The following RAD51B variants were observed in gnomAD, a reference collection of about 807,000 sequenced individuals.
RAD51B encodes the protein RAD51 paralog B, also known as DNA repair protein RAD51 homolog 2.
RAD51B carries 38 observed loss-of-function variants against 42.2 expected under a neutral mutation model. The ratio of observed to expected loss-of-function variants is 0.90; its 90% CI spans 0.70 to 1.18. The LOEUF (loss-of-function observed/expected upper bound fraction) is 1.18. Among genes scored for constraint, RAD51B ranks in the 50% most tolerant of loss-of-function variants. The pLI is 0.00. For missense variants in RAD51B, 373 were observed against 400.7 expected (o/e 0.93, Z 0.59); for synonymous variants, 154 against 145.2 (o/e 1.06, Z -0.43).
intron 10 of RAD51B, among the ~76,000 whole-genome samples, chr14:68,586,131 A>G (rs1404449106): frequency 1.3e-5 from 2 of 152,140 alleles, no homozygotes; most frequent in Admixed American, 6.5e-5. Context: ...AAAAACTGCA[A>G]TCAGAACTCT....
chr14:68,309,552 A>C (rs1458992117), intron 8 of RAD51B, among the ~76,000 whole-genome samples: 1 of 152,208 alleles, frequency 6.6e-6, no homozygotes, highest in Non-Finnish European at 1.5e-5. Context: ...CAAGATCATA[A>C]AGCCAAATAG....
At chr14:67,854,629 G>A (rs1296180736) in intron 4 of RAD51B, among the ~76,000 whole-genome samples, 8 of 141,358 alleles carry the variant, frequency 5.7e-5, no homozygotes, top group Non-Finnish European at 1.2e-4. Flanking sequence ...GTAAGGCTCC[G>A]TCTCAAAAAA....
At position 68,654,416 on chromosome 14, in the gene RAD51B, G is replaced by T. The variant is rs77045295; in HGVS notation, c.*11+3560G>T. Among the ~76,000 whole-genome samples, 949 of 152,300 alleles carry T rather than the reference G, an allele frequency of 6.2e-3. 9 individuals carry two copies. The highest frequency in any genetic ancestry group is 0.022 in the African/African-American group (894 of 41,564). On this transcript the variant is annotated intron_variant, in intron 11 of 11. Transcript: ENST00000488612. Reference sequence around the variant, plus strand: ...TGTTTGCTTTTAGATCAGGCTCATGGGAGATGTCTGGTGGACAGAACCCCC... The same window carrying T: ...TGTTTGCTTTTAGATCAGGCTCATGTGAGATGTCTGGTGGACAGAACCCCC...
chr14:68,019,626 C>T (rs1419256529), intron 7 of RAD51B, among the ~76,000 whole-genome samples: 1 of 151,932 alleles, frequency 6.6e-6, no homozygotes, highest in African/African-American at 2.4e-5. Flanking sequence ...AGAGGGTGGA[C>T]TTTGGAACTT....
At chr14:68,066,408 G>A (rs1207614363) in intron 7 of RAD51B, among the ~76,000 whole-genome samples, 2 of 152,022 alleles carry the variant, frequency 1.3e-5, no homozygotes, top group Non-Finnish European at 1.5e-5. Context: ...TTCATAATAA[G>A]AAAAGCTAAT....
In RAD51B at chr14:68,445,736, T is replaced by A. The variant is rs545841694; in HGVS notation, c.958-22436T>A. Among the ~76,000 whole-genome samples the A allele has an allele frequency of 7.9e-5, 12 of 152,228 alleles. No homozygotes were observed. In the East Asian group the frequency reaches 2.3e-3, roughly 29 times the overall value. On this transcript the variant is annotated intron_variant, in intron 9 of 10. Coordinates refer to ENST00000471583, the MANE Select transcript of RAD51B (RefSeq NM_133510.4). ...ACCTCAAACTGTAACTGGGTCTTGA[T>A]GAGTTTCAAGTAGTATCATCCTTAT...
intron 7 of RAD51B, among the ~76,000 whole-genome samples, chr14:68,054,430 CTGT>C (rs2076442353): frequency 6.6e-6 from 1 of 152,076 alleles, no homozygotes; most frequent in Admixed American, 6.6e-5. Flanking sequence ...TTGTTTTTAT[CTGT>C]TGTTATGTAA....
intron 10 of RAD51B, among the ~76,000 whole-genome samples, chr14:68,618,946 A>G (rs374800046): frequency 6.6e-6 from 1 of 152,216 alleles, no homozygotes; most frequent in East Asian, 1.9e-4. Flanking sequence ...AGCCACAGAT[A>G]TAGCCTGGTC....
chr14:68,072,260 GTATATATAGGAGTTTATTAAGCATTATA>G (rs2076764881), intron 7 of RAD51B, among the ~76,000 whole-genome samples: 1 of 145,248 alleles, frequency 6.9e-6, no homozygotes, highest in African/African-American at 2.6e-5. Flanking sequence ...TTAATAAACT[GTATATATAGGAGTTTATTAAGCATTATA>G]TATATATAGG....
chr14:68,426,583 G>A (rs972235187), intron 9 of RAD51B, among the ~76,000 whole-genome samples: 6 of 152,070 alleles, frequency 3.9e-5, no homozygotes, highest in African/African-American at 7.2e-5. Context: ...AGAACTGTGC[G>A]GCTTCTTTTA....
chr14:67,965,855 T>G (rs1292155927), intron 7 of RAD51B, among the ~76,000 whole-genome samples: 2 of 151,974 alleles, frequency 1.3e-5, no homozygotes, highest in Admixed American at 1.3e-4. Flanking sequence ...ACAAAAGAAA[T>G]AAACCACGTG....
chr14:67,948,947 A>AC (rs2074389416), intron 7 of RAD51B, among the ~76,000 whole-genome samples: 1 of 150,412 alleles, frequency 6.6e-6, no homozygotes, highest in African/African-American at 2.4e-5. Flanking sequence ...AAAAAAAAAA[A>AC]AAAAAAAAAA....
At chr14:68,037,106 C>T (rs1317108353) in intron 7 of RAD51B, among the ~76,000 whole-genome samples, 1 of 6,358 alleles carries the variant, frequency 1.6e-4, no homozygotes, top group Non-Finnish European at 3.2e-4. Context: ...TCCCTCCCCT[C>T]CCCTCCCCTC....
chr14:68,388,072 G>GTA (rs2083641738), intron 8 of RAD51B, among the ~76,000 whole-genome samples: 3 of 117,828 alleles, frequency 2.5e-5, no homozygotes, highest in East Asian at 2.7e-4. Context: ...GTGTGTGTGT[G>GTA]TGTGTGTATA....
intron 10 of RAD51B, among the ~76,000 whole-genome samples, chr14:68,620,622 C>T (rs565007646): frequency 1.3e-5 from 2 of 152,304 alleles, no homozygotes; most frequent in African/African-American, 4.8e-5. Context: ...GACAATCTAC[C>T]CAATGATTTG....
intron 8 of RAD51B, among the ~76,000 whole-genome samples, chr14:68,370,367 G>T (rs934584563): frequency 2.6e-5 from 4 of 152,216 alleles, no homozygotes; most frequent in African/African-American, 4.8e-5. Flanking sequence ...TAATTTTAAA[G>T]TTCCTTTGTG....
chr14:67,933,747 A>T (rs10873209), intron 7 of RAD51B, among the ~76,000 whole-genome samples: 46,688 of 151,658 alleles, frequency 0.31, 9,783 homozygotes, highest in African/African-American at 0.6. Context: ...ATGTTCTATT[A>T]TAGGTGTGAT....
intron 8 of RAD51B, among the ~76,000 whole-genome samples, chr14:68,404,017 G>C (rs2084194398): frequency 6.6e-6 from 1 of 152,198 alleles, no homozygotes; most frequent in Non-Finnish European, 1.5e-5. Flanking sequence ...AAGAGTCTCT[G>C]AGAGAGTGGA....
chr14:68,599,012 A>C (rs1891112645), downstream of RAD51B, among the ~76,000 whole-genome samples: 1 of 152,176 alleles, frequency 6.6e-6, no homozygotes, highest in Non-Finnish European at 1.5e-5. Context: ...GGCCTTCAGG[A>C]ACACAGCAGC....
Sources: allele counts gnomAD v4.1 joint callset (sites outside exome capture counted in the v4.1 genomes callset), GRCh38; gene constraint gnomAD v4.1.1; transcripts MANE v1.5; gene names NCBI Gene and HGNC (gene_info 2026-07-23, HGNC 2026-07-21).